Variants in PCDH9 observed in about 807,000 individuals in gnomAD.
The protein encoded by PCDH9 is protocadherin-9.
In PCDH9, 24 loss-of-function variants were observed where a neutral mutation model predicts 70.6. That is an observed-to-expected ratio of 0.34 (90% CI 0.25 to 0.48). The LOEUF (loss-of-function observed/expected upper bound fraction) is 0.48. PCDH9 is among the 20% of genes least tolerant of loss of function. The pLI is 0.99. For synonymous variants in PCDH9, 562 were observed against 558.5 expected, an observed-to-expected ratio of 1.01 and a Z score of -0.09; for missense variants, 1,281 against 1,503.6, an observed-to-expected ratio of 0.85 and a Z score of 2.45.
chr13:66,676,995 C>A (rs987645747), intron 3 of PCDH9, among the ~76,000 whole-genome samples: 1 of 151,864 alleles, frequency 6.6e-6, no homozygotes, highest in Admixed American at 6.6e-5. Context: ...AGTCGGTATG[C>A]GGATTAAAAG....
chr13:67,044,169 G>A (rs146876870), intron 2 of PCDH9, among the ~76,000 whole-genome samples: 1 of 152,222 alleles, frequency 6.6e-6, no homozygotes, highest in East Asian at 1.9e-4. Context: ...AACCAAAAAT[G>A]TTGTCAGGGC....
chr13:66,630,187 T>G (rs2138931180), intron 4 of PCDH9, among the ~76,000 whole-genome samples: 1 of 152,224 alleles, frequency 6.6e-6, no homozygotes, highest in African/African-American at 2.4e-5. Flanking sequence ...TTAGATGCAT[T>G]ATTATAATTA....
At chr13:66,379,031 C>T (rs117943252) in intron 4 of PCDH9, among the ~76,000 whole-genome samples, 1,911 of 152,296 alleles carry the variant, frequency 0.013, 24 homozygotes, top group Non-Finnish European at 0.02. Context: ...TAGGCAATCC[C>T]TACCTAATTG....
intron 2 of PCDH9, among the ~76,000 whole-genome samples, chr13:66,994,884 T>C (rs2084080168): frequency 6.6e-6 from 1 of 152,248 alleles, no homozygotes; most frequent in Non-Finnish European, 1.5e-5. Flanking sequence ...GGATAGTTAA[T>C]TTGTGCATTC....
chr13:66,840,715 C>G (rs2081101731), intron 3 of PCDH9, among the ~76,000 whole-genome samples: 1 of 152,162 alleles, frequency 6.6e-6, no homozygotes, highest in Non-Finnish European at 1.5e-5. Flanking sequence ...TTTCCATATG[C>G]TACATTGAGT....
chr13:66,314,611 CT>C (rs1955618095), intron 4 of PCDH9, among the ~76,000 whole-genome samples: 1 of 152,204 alleles, frequency 6.6e-6, no homozygotes, highest in Non-Finnish European at 1.5e-5. Flanking sequence ...ATTTGACTAT[CT>C]ACTTATCAGG....
intron 2 of PCDH9, among the ~76,000 whole-genome samples, chr13:67,013,756 CA>C (rs887148274): frequency 6.6e-6 from 1 of 151,614 alleles, no homozygotes; most frequent in African/African-American, 2.4e-5. Context: ...AGGAAAAATA[CA>C]ATGTCCCGTA....
At chr13:66,331,079 T>C (rs1417922946) in intron 4 of PCDH9, among the ~76,000 whole-genome samples, 1 of 152,156 alleles carries the variant, frequency 6.6e-6, no homozygotes, top group Non-Finnish European at 1.5e-5. Context: ...CGTGGACACA[T>C]TTTTAAACTG....
intron 2 of PCDH9, among the ~76,000 whole-genome samples, chr13:67,098,333 CTGT>C (rs1256311523): frequency 6.6e-6 from 1 of 152,082 alleles, no homozygotes; most frequent in Non-Finnish European, 1.5e-5. Flanking sequence ...TTGCCCAGCT[CTGT>C]TGTTATACAT....
chr13:66,680,599 G>A (rs2078305819), intron 3 of PCDH9, among the ~76,000 whole-genome samples: 1 of 151,416 alleles, frequency 6.6e-6, no homozygotes, highest in Non-Finnish European at 1.5e-5. Context: ...TTTATCCATA[G>A]GTTGCTGCTA....
chr13:66,529,162 T>C (rs183831111), intron 4 of PCDH9, among the ~76,000 whole-genome samples: 29 of 152,168 alleles, frequency 1.9e-4, no homozygotes, highest in African/African-American at 6.5e-4. Context: ...TAATTGCACA[T>C]AAAGGCCTCT....
At position 66,715,547 on chromosome 13, in the gene PCDH9, T is replaced by C. The variant is rs547362450; in HGVS notation, c.3139-84136A>G. On this transcript the variant is annotated intron_variant, in intron 3 of 4. Coordinates refer to ENST00000377865, the MANE Select transcript of PCDH9 (RefSeq NM_203487.3). ...ATACAATTTATAATTGAGTTTCAAC[T>C]CTATAATTAACTCCATAATTTACAT... Among the ~76,000 whole-genome samples, 18 of 152,286 alleles carry C rather than the reference T, an allele frequency of 1.2e-4. No homozygotes were observed. The South Asian group carries it at 3.7e-3, about 32-fold the overall frequency.
At chr13:66,511,731 T>G (rs2138585303) in intron 4 of PCDH9, among the ~76,000 whole-genome samples, 1 of 152,254 alleles carries the variant, frequency 6.6e-6, no homozygotes, top group South Asian at 2.1e-4. Context: ...TCTGATTCTG[T>G]AAGTGTGTGT....
At chr13:66,636,074 T>A (rs952009390) in intron 3 of PCDH9, among the ~76,000 whole-genome samples, 11 of 152,296 alleles carry the variant, frequency 7.2e-5, no homozygotes, top group Admixed American at 3.9e-4. Context: ...TTTTTGTTAA[T>A]GTGTATGTAT....
chr13:66,698,178 G>T (rs1405984122), intron 3 of PCDH9, among the ~76,000 whole-genome samples: 1 of 152,136 alleles, frequency 6.6e-6, no homozygotes, highest in Non-Finnish European at 1.5e-5. Context: ...TTTGGGTAAT[G>T]GAAAAGTTCC....
At chr13:67,205,400 G>A (rs1309929562) in intron 2 of PCDH9, 1 of 152,060 alleles carries the variant, frequency 6.6e-6, no homozygotes, top group Non-Finnish European at 1.5e-5. Context: ...TTATCAGTAA[G>A]GGACTTCAAG....
chr13:66,486,356 C>G (rs989129413), intron 4 of PCDH9, among the ~76,000 whole-genome samples: 6 of 152,062 alleles, frequency 3.9e-5, no homozygotes, highest in African/African-American at 1.4e-4. Context: ...GGGGGTGGTG[C>G]TGAAGTGGAA....
At chr13:67,013,397 T>C (rs955437771) in intron 2 of PCDH9, among the ~76,000 whole-genome samples, 1 of 151,974 alleles carries the variant, frequency 6.6e-6, no homozygotes, top group Non-Finnish European at 1.5e-5. Context: ...TATCATTGAA[T>C]GTTAAATTTT....
At chr13:66,380,987 CAA>C (rs1056209511) in intron 4 of PCDH9, among the ~76,000 whole-genome samples, 1 of 151,886 alleles carries the variant, frequency 6.6e-6, no homozygotes, top group African/African-American at 2.4e-5. Flanking sequence ...AAGAGACACA[CAA>C]AAAAAGTGTT....
Sources: gnomAD v4.1 joint callset for allele counts (sites outside exome capture counted in the v4.1 genomes callset) on GRCh38, gnomAD v4.1.1 for gene constraint, MANE v1.5 for transcripts, NCBI Gene and HGNC (gene_info 2026-07-23, HGNC 2026-07-21) for gene names.